Variants in MED27 observed in about 807,000 individuals in gnomAD.
MED27 encodes mediator of RNA polymerase II transcription subunit 27.
In MED27, 30 loss-of-function variants were observed where a neutral mutation model predicts 38.2. The ratio of observed to expected loss-of-function variants is 0.79; its 90% CI spans 0.59 to 1.07. MED27 has a LOEUF of 1.07. Ranked by LOEUF, MED27 falls within the 50% of genes least tolerant of loss-of-function variation. MED27 has a pLI of 0.00. For missense variants in MED27, 289 were observed against 397.5 expected (o/e 0.73, Z 2.32); for synonymous variants, 122 against 153.5 (o/e 0.79, Z 1.52).
At chr9:132,015,314 T>C (rs1052665246) in intron 2 of MED27, among the ~76,000 whole-genome samples, 21 of 152,226 alleles carry the variant, frequency 1.4e-4, no homozygotes, top group African/African-American at 2.9e-4. Context: ...GGAAGCAGCA[T>C]GCTTTAAATG....
rs1839242752 is a variant in MED27 at position 131,892,361 on chromosome 9, A to G, written c.681+1524T>C. 1.3e-5 allele frequency among the ~76,000 whole-genome samples: 2 copies of G among 152,238 alleles called. 1 individual carries two copies. Among genetic ancestry groups the G allele is most frequent in the South Asian group, 4.1e-4 (2 of 4,834 alleles). On this transcript the variant is annotated intron_variant, in intron 5 of 7. Transcript: ENST00000292035. ...TAGATGGCAAAGTGCCAAGTGCTTT[A>G]TGTGTACTACTTCAGACACTTTCAG... is the stretch of plus-strand genomic sequence containing the variant.
intron 2 of MED27, among the ~76,000 whole-genome samples, chr9:132,066,711 A>C (rs547716945): frequency 1.4e-4 from 22 of 152,370 alleles, no homozygotes; most frequent in African/African-American, 5.0e-4. Flanking sequence ...CCAGAAGCCA[A>C]AGAAAAGTGC....
At position 131,861,372 on chromosome 9, in the gene MED27, C is replaced by G. The variant is rs1838649117; in HGVS notation, c.802-700G>C. 6.6e-6 allele frequency among the ~76,000 whole-genome samples: 1 copy of G among 152,188 alleles called. No individual in the cohort carries two copies. The highest frequency in any genetic ancestry group is 2.1e-4 in the South Asian group (1 of 4,826). On this transcript the variant is annotated intron_variant, in intron 7 of 7. Coordinates refer to ENST00000292035, the MANE Select transcript of MED27 (RefSeq NM_004269.4). This position sits in a 1 kb window ranked among gnomAD's most constrained non-coding sequence, Gnocchi z 4.4. ...AAGAAAAAAATACCCAAACGTAAAACAGCAGGCAAGCAAGTTCTCGCGGTG... is the reference window on the plus strand; with the variant it reads ...AAGAAAAAAATACCCAAACGTAAAAGAGCAGGCAAGCAAGTTCTCGCGGTG...
chr9:131,934,444 A>AAC (rs1219700148), intron 4 of MED27, among the ~76,000 whole-genome samples: 1 of 152,194 alleles, frequency 6.6e-6, no homozygotes, highest in Non-Finnish European at 1.5e-5. Context: ...GGAAAAAAAA[A>AAC]ATCTAATGAT....
chr9:131,920,856 G>A (rs1830378218), intron 4 of MED27, among the ~76,000 whole-genome samples: 1 of 152,078 alleles, frequency 6.6e-6, no homozygotes, highest in South Asian at 2.1e-4. Context: ...GAGGGAGATG[G>A]GGAGCCATTG....
At chr9:131,933,227 C>A (rs1484652554) in intron 4 of MED27, among the ~76,000 whole-genome samples, 1 of 151,980 alleles carries the variant, frequency 6.6e-6, no homozygotes, top group African/African-American at 2.4e-5. Flanking sequence ...TGCCCACTTT[C>A]ATCCTTCCAT....
intron 4 of MED27, among the ~76,000 whole-genome samples, chr9:131,916,533 G>C (rs12555726): frequency 0.32 from 48,843 of 152,060 alleles, 7,929 homozygotes; most frequent in East Asian, 0.45. Flanking sequence ...AGTTGCAAGG[G>C]ATCCACAGTC....
In MED27 at chr9:131,860,467, A is replaced by G; in HGVS notation, c.*71T>C. The G allele has an allele frequency of 6.9e-6, 10 of 1,451,472 alleles. No homozygotes were observed. The highest frequency in any genetic ancestry group is 9.1e-6 in the Non-Finnish European group (10 of 1,099,202). 89.9% of individuals were successfully genotyped at this position (1,451,472 alleles called of 1,614,324 possible). On this transcript the variant is annotated 3_prime_UTR_variant, in exon 8 of 8. Transcript: ENST00000292035. This position sits in a 1 kb window ranked among gnomAD's most constrained non-coding sequence, Gnocchi z 5.8. Reference sequence around the variant, plus strand: ...CATCTGGGCAGTGAGGAACCAGCTGAGCCTTCTGTGGGCTTCCTGCGTGTC... The same window carrying G: ...CATCTGGGCAGTGAGGAACCAGCTGGGCCTTCTGTGGGCTTCCTGCGTGTC...
At chr9:132,072,209 C>T (rs928619002) in intron 2 of MED27, among the ~76,000 whole-genome samples, 2 of 152,202 alleles carry the variant, frequency 1.3e-5, no homozygotes, top group Non-Finnish European at 2.9e-5. Context: ...ATTTACTTAG[C>T]ACTTACTATG....
intron 5 of MED27, among the ~76,000 whole-genome samples, chr9:131,891,714 C>A (rs574217234): frequency 6.6e-6 from 1 of 152,040 alleles, no homozygotes; most frequent in Non-Finnish European, 1.5e-5. Context: ...ATCATCCGCT[C>A]GCATGTGTAT....
At chr9:132,027,834 G>A (rs1048009490) in intron 2 of MED27, among the ~76,000 whole-genome samples, 5 of 152,216 alleles carry the variant, frequency 3.3e-5, no homozygotes, top group Non-Finnish European at 7.3e-5. Context: ...AATATAAAAT[G>A]TTGTAAAATC....
intron 1 of MED27, among the ~76,000 whole-genome samples, chr9:132,079,151 G>A (rs902154488): frequency 1.3e-5 from 2 of 152,146 alleles, no homozygotes; most frequent in African/African-American, 4.8e-5. Context: ...AGGCCTGGCC[G>A]GTCCGTCGTG....
At chr9:131,999,865 G>A (rs1376788766) in intron 3 of MED27, among the ~76,000 whole-genome samples, 2 of 152,008 alleles carry the variant, frequency 1.3e-5, no homozygotes, top group Admixed American at 1.3e-4. Context: ...AGCAAAACTT[G>A]GAGTGTTTGG....
At chr9:131,869,493 G>A in intron 6 of MED27, 1 of 853,060 alleles carries the variant, frequency 1.2e-6, no homozygotes. Flanking sequence ...TCCGCTGGGA[G>A]ATAAAAGCCG....
intron 2 of MED27, among the ~76,000 whole-genome samples, chr9:132,050,186 T>C (rs1047750496): frequency 6.6e-6 from 1 of 152,128 alleles, no homozygotes; most frequent in Admixed American, 6.5e-5. Flanking sequence ...AGCAGGCCTT[T>C]AAGGATGGGA....
chr9:132,066,109 C>G (rs1010630408), intron 2 of MED27, among the ~76,000 whole-genome samples: 2 of 152,348 alleles, frequency 1.3e-5, no homozygotes, highest in East Asian at 3.9e-4. Context: ...CATGCCAAGA[C>G]GACTCCAGTC....
chr9:131,908,579 C>G (rs966766521), intron 4 of MED27, among the ~76,000 whole-genome samples: 2 of 152,310 alleles, frequency 1.3e-5, no homozygotes, highest in East Asian at 3.9e-4. Flanking sequence ...GACCTTACCC[C>G]CAACCCAGTG....
Position 131,871,765 on chromosome 9 carries a change from G to T in MED27, c.724-8625C>A, listed in dbSNP as rs1838838901. On this transcript the variant is annotated intron_variant, in intron 6 of 7. Transcript: ENST00000292035. ...AGGTCTTGCCATGTTGTCCAAGCTG[G>T]TCTTGAACTCCTAGGCTCAAATGAT... Among the ~76,000 whole-genome samples the T allele has an allele frequency of 2.0e-5, 3 of 152,166 alleles. No individual in the cohort carries two copies. The South Asian group carries it at 6.2e-4, about 32-fold the overall frequency.
chr9:131,890,937 T>C (rs1288938565), intron 5 of MED27, among the ~76,000 whole-genome samples: 1 of 152,212 alleles, frequency 6.6e-6, no homozygotes. Context: ...TTTTTATTAA[T>C]TGCAAGATGG....
Sources: allele counts gnomAD v4.1 joint callset (sites outside exome capture counted in the v4.1 genomes callset), GRCh38; gene constraint gnomAD v4.1.1; non-coding constraint Gnocchi (gnomAD v3.1); transcripts MANE v1.5; gene names NCBI Gene and HGNC (gene_info 2026-07-23, HGNC 2026-07-21).